Variants in SREBF1 observed in about 807,000 individuals in gnomAD.
SREBF1 encodes sterol regulatory element binding transcription factor 1.
In SREBF1, 45 loss-of-function variants were observed where a neutral mutation model predicts 100.1. The observed-to-expected ratio is 0.45, with a 90% CI of 0.35 to 0.58. SREBF1 has a LOEUF of 0.58. SREBF1 is among the 20% of genes least tolerant of loss of function. SREBF1 has a pLI of 0.00. For synonymous variants in SREBF1, 657 were observed against 681.8 expected (o/e 0.96, Z 0.57); for missense variants, 1,324 against 1,539.4 (o/e 0.86, Z 2.34).
chr17:17,818,464 G>A, intron 5 of SREBF1, 90 bp from the exon 6 acceptor site: 1 of 904,228 alleles, frequency 1.1e-6, no homozygotes. Flanking sequence ...GGGGTGCGGA[G>A]CTGCTTTGCA....
chr17:17,818,138 T>A, intron 6 of SREBF1, 122 bp downstream of exon 6: 1 of 317,918 alleles, frequency 3.1e-6, no homozygotes, highest in Non-Finnish European at 4.8e-6. Flanking sequence ...AAGGGTGAGG[T>A]GGGCAGGGCA....
chr17:17,813,622 C>T lies in SREBF1; in HGVS notation c.3049G>A (p.Asp1017Asn). 1.3e-6 allele frequency: 2 copies of T among 1,585,784 alleles called. No homozygotes were observed. Among genetic ancestry groups the T allele is most frequent in the East Asian group, 4.6e-5 (2 of 43,774 alleles). The change falls in exon 17 of 19, where the codon GAC becomes AAC. Residue 1017 changes from aspartate (D) to asparagine (N), a missense_variant. By Grantham distance (23) the Asp-to-Asn change is conservative. Coordinates refer to ENST00000261646, the MANE Select transcript of SREBF1 (RefSeq NM_004176.5). ...SALELRGFQR[D>N]LSSLRRLAQS... The stretch of plus-strand genomic sequence containing the variant: ...GCCAGCCGCCTCAGGCTGCTCAGGT[C>T]CCGTTGGAAGCCACGCAGCTCAAGG...
chr17:17,816,101 G>A, intron 11 of SREBF1, 73 bp from the exon 12 acceptor site: 2 of 1,525,546 alleles, frequency 1.3e-6, no homozygotes, highest in Non-Finnish European at 1.8e-6. Flanking sequence ...TCCCAGCTTG[G>A]CCTGGAGTCC....
chr17:17,827,402 T>A lies in SREBF1; in HGVS notation c.92-6881A>T, dbSNP rs547192214. Among the ~76,000 whole-genome samples, 9 of 152,312 alleles carry A rather than the reference T, an allele frequency of 5.9e-5. No individual in the cohort carries two copies. In the South Asian group the frequency reaches 1.9e-3, roughly 32 times the overall value. The stretch of plus-strand genomic sequence containing the variant: ...AGAGCACACCCTCTCGGCCTGCTAA[T>A]GGAGGCAGCAGGGTGAGGATGGGTG... On this transcript the variant is annotated intron_variant, in intron 1 of 18. Transcript: ENST00000261646.
At position 17,836,975 on chromosome 17, in the gene SREBF1, T is replaced by C; in HGVS notation, c.-158A>G. On this transcript the variant is annotated 5_prime_UTR_variant, in exon 1 of 19. Transcript: ENST00000261646. The stretch of plus-strand genomic sequence containing the variant: ...AGGCGGCCCGGCGCCGGCGAAAAGT[T>C]CCTCGGAAACTGGGTTCCCCCGGCC... 1 of 583,758 alleles carries C rather than the reference T, an allele frequency of 1.7e-6. No homozygotes were observed. 36.2% of individuals were successfully genotyped at this position (583,758 alleles called of 1,614,324 possible).
In SREBF1 at chr17:17,815,186, G is replaced by A. The variant is rs375846318; in HGVS notation, c.2492+35C>T. 18 of 1,584,258 alleles carry A rather than the reference G, an allele frequency of 1.1e-5. No homozygotes were observed. In the African/African-American group the frequency reaches 2.4e-4, roughly 21 times the overall value. On this transcript the variant is annotated intron_variant, in intron 13 of 18. Coordinates refer to ENST00000261646, the MANE Select transcript of SREBF1 (RefSeq NM_004176.5). Reference sequence around the variant, plus strand: ...AGCTATTCTCAGAATCCCGCCGGAGGGGCCTTGCCTGGAGGAGGGCACAAC... The same window carrying A: ...AGCTATTCTCAGAATCCCGCCGGAGAGGCCTTGCCTGGAGGAGGGCACAAC...
At position 17,817,617 on chromosome 17, in the gene SREBF1, T is replaced by C. The variant is rs1267460001; in HGVS notation, c.1404+79A>G. On this transcript the variant is annotated intron_variant, in intron 7 of 18. Transcript: ENST00000261646. This position sits in a 1 kb window ranked among gnomAD's most constrained non-coding sequence, Gnocchi z 6.6. ...CTATGAAATGGGAGGTAGGATCTGTTAGGGTCTTCCCGGCCCTGTCATGAG... is the reference window on the plus strand; with the variant it reads ...CTATGAAATGGGAGGTAGGATCTGTCAGGGTCTTCCCGGCCCTGTCATGAG... The C allele has an allele frequency of 3.8e-6, 6 of 1,583,960 alleles. No homozygotes were observed. Among genetic ancestry groups the C allele is most frequent in the Non-Finnish European group, 5.2e-6 (6 of 1,158,026 alleles).
At position 17,816,470 on chromosome 17, in the gene SREBF1, C is replaced by T; in HGVS notation, c.2034G>A (p.Gln678=). Residue 678 remains glutamine, a synonymous_variant, in exon 10 of 19, where the codon CAG becomes CAA. Coordinates refer to ENST00000261646, the MANE Select transcript of SREBF1 (RefSeq NM_004176.5). The part of the protein sequence containing the change: ...DAALVYHKLH[Q]LHTMGKHTGG... Reference sequence around the variant, plus strand: ...GCTCAGTCCTACCCATGGTGTGCAGCTGGTGCAGCTTATGGTAGACCAGGG... The same window carrying T: ...GCTCAGTCCTACCCATGGTGTGCAGTTGGTGCAGCTTATGGTAGACCAGGG... 3 of 1,606,140 alleles carry T rather than the reference C, an allele frequency of 1.9e-6. 1 individual carries two copies. The highest frequency in any genetic ancestry group is 2.2e-5 in the South Asian group (2 of 89,860).
intron 12 of SREBF1, 55 bp from the exon 13 acceptor site, chr17:17,815,384 A>C: frequency 6.8e-7 from 1 of 1,467,840 alleles, no homozygotes; most frequent in South Asian, 1.1e-5. Flanking sequence ...CCTCCTCTCC[A>C]AGCTAAGGGC....
At chr17:17,825,693 T>C (rs180873030) in intron 1 of SREBF1, among the ~76,000 whole-genome samples, 3,021 of 146,600 alleles carry the variant, frequency 0.021, 95 homozygotes, top group African/African-American at 0.071. Context: ...CTGCAACCTC[T>C]ACCTCCCGGG....
chr17:17,826,717 C>A (rs35367147), intron 1 of SREBF1, among the ~76,000 whole-genome samples: 7,606 of 152,294 alleles, frequency 0.05, 269 homozygotes, highest in African/African-American at 0.1. Flanking sequence ...TGGCATCCCT[C>A]CCCAGTTCTA....
chr17:17,813,030 C>CT, intron 18 of SREBF1, 179 bp from the exon 19 acceptor site: 1 of 619,690 alleles, frequency 1.6e-6, no homozygotes. Context: ...AGTCCACAGA[C>CT]TGAGTCACGC....
chr17:17,813,038 C>T (rs1340450984), intron 18 of SREBF1, 187 bp from the exon 19 acceptor site: 2 of 613,392 alleles, frequency 3.3e-6, no homozygotes, highest in Non-Finnish European at 5.7e-6. Flanking sequence ...GACTGAGTCA[C>T]GCACGTGCAG....
At chr17:17,833,620 T>C (rs2035042640) in intron 1 of SREBF1, among the ~76,000 whole-genome samples, 1 of 151,664 alleles carries the variant, frequency 6.6e-6, no homozygotes, top group Admixed American at 6.6e-5. Context: ...CTAAAAATCA[T>C]TGAATGATAT....
At position 17,817,450 on chromosome 17, in the gene SREBF1, G is replaced by A; in HGVS notation, c.1412C>T (p.Pro471Leu). The A allele has an allele frequency of 6.3e-7, 1 of 1,582,496 alleles. No homozygotes were observed. Among genetic ancestry groups the A allele is most frequent in the Non-Finnish European group, 8.6e-7 (1 of 1,164,142 alleles). Residue 471 changes from proline (P) to leucine (L), a missense_variant, in exon 8 of 19, where the codon CCA (proline) becomes CTA (leucine). Transcript: ENST00000261646. This position sits in a 1 kb window ranked among gnomAD's most constrained non-coding sequence, Gnocchi z 6.6. ...SPVFEDSKAKPEQRPSLHSRG... is the reference protein window; with the variant it reads ...SPVFEDSKAKLEQRPSLHSRG... ...GCTGTGCAGAGACGGCCGCTGCTCT[G>A]GCTTTGCCTGGTGGGGTTGGGCAGG...
chr17:17,822,337 G>A (rs1166438428), intron 1 of SREBF1, among the ~76,000 whole-genome samples: 2 of 152,276 alleles, frequency 1.3e-5, no homozygotes, highest in Non-Finnish European at 2.9e-5. Context: ...GCCAACCAGT[G>A]TGTCTCTGTG....
rs8066560 is a variant in SREBF1 at position 17,824,729 on chromosome 17, A to G, written c.92-4208T>C. 0.63 allele frequency among the ~76,000 whole-genome samples: 95,292 copies of G among 152,072 alleles called. 31,401 individuals carry two copies. The highest frequency in any genetic ancestry group is 0.78 in the African/African-American group (32,337 of 41,492). ...CCACACCCCAGTTGGCTGCAACCTGAGAGGGTGCCTGAACCCTGGGCAGAC... is the reference window on the plus strand; with the variant it reads ...CCACACCCCAGTTGGCTGCAACCTGGGAGGGTGCCTGAACCCTGGGCAGAC... On this transcript the variant is annotated intron_variant, in intron 1 of 18. Transcript: ENST00000261646. This position sits in a 1 kb window ranked among gnomAD's most constrained non-coding sequence, Gnocchi z 4.2.
chr17:17,825,034 A>G (rs1044486540), intron 1 of SREBF1, among the ~76,000 whole-genome samples: 13 of 152,302 alleles, frequency 8.5e-5, no homozygotes, highest in African/African-American at 2.9e-4. Flanking sequence ...TGAGTGACTT[A>G]AGACAGGGAA....
chr17:17,818,488 A>G, intron 5 of SREBF1, 114 bp from the exon 6 acceptor site: 1 of 747,452 alleles, frequency 1.3e-6, no homozygotes, highest in South Asian at 1.5e-5. Flanking sequence ...TTACTGCCTC[A>G]GGACCTTTGC....
Sources: allele counts gnomAD v4.1 joint callset (sites outside exome capture counted in the v4.1 genomes callset), GRCh38; gene constraint gnomAD v4.1.1; non-coding constraint Gnocchi (gnomAD v3.1); transcripts MANE v1.5; gene names NCBI Gene and HGNC (gene_info 2026-07-23, HGNC 2026-07-21).